Variants in SRSF4 observed in about 807,000 individuals in gnomAD.
SRSF4 encodes serine and arginine rich splicing factor 4, also known as serine/arginine-rich splicing factor 4.
A neutral mutation model predicts 48.8 loss-of-function variants in SRSF4; 12 were observed. The ratio of observed to expected loss-of-function variants is 0.25; its 90% CI spans 0.16 to 0.40. The LOEUF (loss-of-function observed/expected upper bound fraction) is 0.40, where lower values mean the gene tolerates loss of function less well. Among genes scored for constraint, SRSF4 ranks in the 10% least tolerant of loss-of-function variants. SRSF4 has a pLI of 1.00. For missense variants in SRSF4, 466 were observed against 667.1 expected (o/e 0.70, Z 3.32); for synonymous variants, 248 against 232.5 (o/e 1.07, Z -0.61).
chr1:29,174,916 C>T lies in SRSF4; in HGVS notation c.107+6730G>A, dbSNP rs1672813595. On this transcript the variant is annotated intron_variant, in intron 1 of 5. Transcript: ENST00000373795. Reference sequence around the variant, plus strand: ...CTCAATCTCTTGACCTTGTGATCTGCCAGCCTTGGCCTCCCAAAGTGTTGG... The same window carrying T: ...CTCAATCTCTTGACCTTGTGATCTGTCAGCCTTGGCCTCCCAAAGTGTTGG... 2.0e-5 allele frequency among the ~76,000 whole-genome samples: 3 copies of T among 151,018 alleles called. No homozygotes were observed. The South Asian group carries it at 6.3e-4, about 32-fold the overall frequency.
intron 2 of SRSF4, chr1:29,160,059 C>CTT (rs889567507): frequency 8.7e-6 from 2 of 230,402 alleles, no homozygotes; most frequent in African/African-American, 4.6e-5. Context: ...TCAAAGGATT[C>CTT]TTTTAATTAA....
chr1:29,149,232 G>A lies in SRSF4; in HGVS notation c.669-6C>T, dbSNP rs747558853. The A allele has an allele frequency of 1.1e-5, 17 of 1,604,266 alleles. No individual in the cohort carries two copies. In the East Asian group the frequency reaches 3.6e-4, roughly 34 times the overall value. Reference sequence around the variant, plus strand: ...TCCGGGAGCGGGAGCCCGACCTGAGGAGACATGGGATACTGTTTGTGTCAC... The same window carrying A: ...TCCGGGAGCGGGAGCCCGACCTGAGAAGACATGGGATACTGTTTGTGTCAC... On this transcript the variant is annotated splice_polypyrimidine_tract_variant and splice_region_variant and intron_variant, in intron 5 of 5. Transcript: ENST00000373795.
chr1:29,175,461 C>T (rs1216544834), intron 1 of SRSF4, among the ~76,000 whole-genome samples: 2 of 150,498 alleles, frequency 1.3e-5, no homozygotes, highest in African/African-American at 2.4e-5. Context: ...TTTGGGAGGC[C>T]GAGGCGGGTG....
intron 4 of SRSF4, among the ~76,000 whole-genome samples, chr1:29,152,203 T>C (rs1415763806): frequency 6.6e-6 from 1 of 152,220 alleles, no homozygotes; most frequent in Non-Finnish European, 1.5e-5. Context: ...TATGTTATCA[T>C]GGTTTCTTTT....
At position 29,165,052 on chromosome 1, in the gene SRSF4, T is replaced by C. The variant is rs546504727; in HGVS notation, c.108-4535A>G. 8.5e-5 allele frequency among the ~76,000 whole-genome samples: 13 copies of C among 152,258 alleles called. No homozygotes were observed. The East Asian group carries it at 2.5e-3, about 29-fold the overall frequency. On this transcript the variant is annotated intron_variant, in intron 1 of 5. Coordinates refer to ENST00000373795, the MANE Select transcript of SRSF4 (RefSeq NM_005626.5). ...CATTCCCAAATCCCAAAAAAAACCC[T>C]GAAATCCAAAATTCGTCTGATCCCA... is the stretch of plus-strand genomic sequence containing the variant.
chr1:29,176,625 G>A (rs184680799), intron 1 of SRSF4, among the ~76,000 whole-genome samples: 5 of 152,016 alleles, frequency 3.3e-5, no homozygotes, highest in African/African-American at 1.2e-4. Flanking sequence ...CTGTGTAGGT[G>A]CTGGGGTTGG....
chr1:29,157,930 G>A (rs748207057), intron 3 of SRSF4, among the ~76,000 whole-genome samples: 30 of 152,240 alleles, frequency 2.0e-4, no homozygotes, highest in Non-Finnish European at 3.7e-4. Context: ...AGCACTTTAG[G>A]AGGCCAAGGC....
chr1:29,158,594 T>A (rs989236635), intron 3 of SRSF4, among the ~76,000 whole-genome samples: 1 of 152,134 alleles, frequency 6.6e-6, no homozygotes, highest in Non-Finnish European at 1.5e-5. Flanking sequence ...CACGCCCGGC[T>A]AATTTTTGTA....
chr1:29,160,213 A>C, intron 2 of SRSF4, 162 bp downstream of exon 2: 2 of 798,438 alleles, frequency 2.5e-6, no homozygotes, highest in Middle Eastern at 3.7e-4. Context: ...ATTAAACATT[A>C]TCAAAGGCTT....
At chr1:29,151,177 C>A (rs1368572762) in intron 4 of SRSF4, among the ~76,000 whole-genome samples, 1 of 152,230 alleles carries the variant, frequency 6.6e-6, no homozygotes, top group Non-Finnish European at 1.5e-5. Flanking sequence ...GCTGCCCAGG[C>A]ACCATCACCT....
At chr1:29,175,537 T>C (rs1470417618) in intron 1 of SRSF4, among the ~76,000 whole-genome samples, 4 of 147,582 alleles carry the variant, frequency 2.7e-5, no homozygotes, top group African/African-American at 7.5e-5. Context: ...CTACTAAAAA[T>C]ACAAAAAATT....
intron 5 of SRSF4, 119 bp from the exon 6 acceptor site, chr1:29,149,345 G>A: frequency 7.9e-7 from 1 of 1,262,750 alleles, no homozygotes; most frequent in East Asian, 2.5e-5. Flanking sequence ...GGCTGGCACT[G>A]GCTGAGGATT....
chr1:29,178,222 A>C (rs1438981987), intron 1 of SRSF4, among the ~76,000 whole-genome samples: 1 of 151,958 alleles, frequency 6.6e-6, no homozygotes, highest in Non-Finnish European at 1.5e-5. Context: ...TTATGCCTTA[A>C]TTCTAAACTT....
At position 29,181,681 on chromosome 1, in the gene SRSF4, G is replaced by A. The variant is rs757399534; in HGVS notation, c.72C>T (p.Gly24=). Residue 24 remains glycine, a synonymous_variant, in exon 1 of 6, where the codon GGC becomes GGT. Transcript: ENST00000373795. ...GATCCACCTCCAGGATCTTCCCGTA[G>A]CCCTTAAAGAAGCGCTCCACATCGC... ...RERDVERFFK[G]YGKILEVDLK... The A allele has an allele frequency of 2.5e-6, 4 of 1,597,490 alleles. No individual in the cohort carries two copies. Among genetic ancestry groups the A allele is most frequent in the Non-Finnish European group, 2.6e-6 (3 of 1,173,620 alleles).
At chr1:29,160,243 TA>T in intron 2 of SRSF4, 131 bp downstream of exon 2, 3 of 1,100,958 alleles carry the variant, frequency 2.7e-6, no homozygotes, top group Non-Finnish European at 3.7e-6. Flanking sequence ...TCTACATTTT[TA>T]AAAAAGATAC....
Position 29,160,961 on chromosome 1 carries a change from CAT to C in SRSF4, c.108-446_108-445del, listed in dbSNP as rs1282831609. ...AGGCACTGTGTAATAACTGTTGAAT[CAT>C]GTGAAAGTAAAAAACTTTTTTTTAA... On this transcript the variant is annotated intron_variant, in intron 1 of 5. Transcript: ENST00000373795. 2.5e-4 allele frequency among the ~76,000 whole-genome samples: 38 copies of C among 152,172 alleles called. 1 individual carries two copies. The highest frequency in any genetic ancestry group is 2.5e-3 in the Admixed American group (38 of 15,272).
chr1:29,175,559 G>A (rs1380870034), intron 1 of SRSF4, among the ~76,000 whole-genome samples: 1 of 149,808 alleles, frequency 6.7e-6, no homozygotes, highest in Non-Finnish European at 1.5e-5. Context: ...GCCGGGAGCG[G>A]TGGCGGGCTC....
rs2230679 is a variant in SRSF4 at position 29,149,136 on chromosome 1, T to G, written c.759A>C (p.Glu253Asp). ...KKEKSRSPSK[E>D]KSRSRSHSAG... Reference sequence around the variant, plus strand: ...CGCTATGGCTGCGGCTGCGGCTCTTTTCCTTGCTGGGGCTCCTGCTTTTCT... The same window carrying G: ...CGCTATGGCTGCGGCTGCGGCTCTTGTCCTTGCTGGGGCTCCTGCTTTTCT... The change falls in exon 6 of 6, where the codon GAA (glutamate) becomes GAC (aspartate). Residue 253 changes from glutamate to aspartate, a missense_variant. This residue lies in a region of SRSF4 where 402 missense variants were observed against 437.0 expected (regional missense o/e 0.92). Coordinates refer to ENST00000373795, the MANE Select transcript of SRSF4 (RefSeq NM_005626.5). 0.87 allele frequency: 1,396,568 copies of G among 1,613,456 alleles called. 609,427 individuals are homozygous for G. The highest frequency in any genetic ancestry group is 0.9 in the Non-Finnish European group (1,059,588 of 1,179,976).
intron 2 of SRSF4, 78 bp downstream of exon 2, chr1:29,160,297 A>G (rs1038102269): frequency 6.2e-6 from 9 of 1,449,554 alleles, no homozygotes; most frequent in African/African-American, 5.8e-5. Context: ...TTTAAATGTA[A>G]TATCAATTAA....
Sources: allele counts gnomAD v4.1 joint callset (sites outside exome capture counted in the v4.1 genomes callset), GRCh38; gene constraint gnomAD v4.1.1; regional missense constraint gnomAD v4.1.1; transcripts MANE v1.5; gene names NCBI Gene and HGNC (gene_info 2026-07-23, HGNC 2026-07-21).